KDM4C: variants seen among roughly 807,000 people sequenced by gnomAD.
KDM4C encodes lysine demethylase 4C.
KDM4C carries 81 observed loss-of-function variants against 129.3 expected under a neutral mutation model. That is an observed-to-expected ratio of 0.63 (90% CI 0.52 to 0.75). The LOEUF (loss-of-function observed/expected upper bound fraction) is 0.75. Among genes scored for constraint, KDM4C ranks in the 30% least tolerant of loss-of-function variants. KDM4C has a pLI of 0.00. For missense variants in KDM4C, 1,457 were observed against 1,304.0 expected (o/e 1.12, Z -1.81); for synonymous variants, 573 against 456.1 (o/e 1.26, Z -3.26).
chr9:7,108,001 TC>T (rs1837890310), intron 18 of KDM4C, among the ~76,000 whole-genome samples: 1 of 152,182 alleles, frequency 6.6e-6, no homozygotes. Flanking sequence ...TTATTGAGCA[TC>T]TTTTATGTCA....
intron 19 of KDM4C, among the ~76,000 whole-genome samples, chr9:7,143,087 T>C (rs553513139): frequency 1.3e-5 from 2 of 152,312 alleles, no homozygotes; most frequent in African/African-American, 4.8e-5. Flanking sequence ...CCTCCCAGCT[T>C]ACTCTATAAA....
At chr9:6,916,703 G>A (rs1367066643) in intron 8 of KDM4C, among the ~76,000 whole-genome samples, 1 of 152,176 alleles carries the variant, frequency 6.6e-6, no homozygotes, top group African/African-American at 2.4e-5. Flanking sequence ...AACTTACAAA[G>A]AGATTTTAGC....
intron 18 of KDM4C, among the ~76,000 whole-genome samples, chr9:7,120,887 C>G (rs1378217962): frequency 3.3e-5 from 5 of 152,082 alleles, no homozygotes; most frequent in Non-Finnish European, 7.4e-5. Context: ...ATAGTTCTGA[C>G]TATACATGGG....
chr9:6,925,705 T>G, intron 8 of KDM4C: 1 of 909,344 alleles, frequency 1.1e-6, no homozygotes, highest in African/African-American at 1.8e-5. Context: ...CTGTTTTTCT[T>G]TCTTTTTTTC....
intron 8 of KDM4C, among the ~76,000 whole-genome samples, chr9:6,966,124 A>T (rs1369355238): frequency 6.6e-6 from 1 of 152,184 alleles, no homozygotes; most frequent in Non-Finnish European, 1.5e-5. Flanking sequence ...TACCATACTA[A>T]ATGGTGAAAA....
At chr9:6,815,473 C>G (rs928583493) in intron 4 of KDM4C, among the ~76,000 whole-genome samples, 2 of 152,094 alleles carry the variant, frequency 1.3e-5, no homozygotes, top group African/African-American at 2.4e-5. Flanking sequence ...CCTCGGCCTC[C>G]TAAAGTGCTG....
chr9:6,814,214 T>C (rs945649170), intron 3 of KDM4C, among the ~76,000 whole-genome samples: 1 of 152,214 alleles, frequency 6.6e-6, no homozygotes, highest in Non-Finnish European at 1.5e-5. Flanking sequence ...AAATATCTTA[T>C]TTTAACTTTA....
intron 8 of KDM4C, among the ~76,000 whole-genome samples, chr9:6,924,361 C>T (rs569204539): frequency 5.3e-5 from 8 of 152,216 alleles, no homozygotes; most frequent in East Asian, 1.9e-4. Flanking sequence ...CTGTATGGGC[C>T]GCCACCACAG....
At chr9:6,774,329 A>G (rs982058720) in intron 1 of KDM4C, among the ~76,000 whole-genome samples, 1 of 152,162 alleles carries the variant, frequency 6.6e-6, no homozygotes, top group Non-Finnish European at 1.5e-5. Flanking sequence ...TCAAATTTAA[A>G]AACTCAAGAG....
chr9:7,022,432 T>G (rs10975983), intron 15 of KDM4C, among the ~76,000 whole-genome samples: 12,624 of 152,148 alleles, frequency 0.083, 639 homozygotes, highest in East Asian at 0.18. Context: ...TGGGATTACT[T>G]TCTTGATTTC....
Position 6,880,078 on chromosome 9 carries a change from A to G in KDM4C, c.679+17A>G, listed in dbSNP as rs1844201763. ...TAGCTCAAGGTAAAACTTGCTTTTTAAATTTGTTTTCTGTGTTTTATATGT... is the reference window on the plus strand; with the variant it reads ...TAGCTCAAGGTAAAACTTGCTTTTTGAATTTGTTTTCTGTGTTTTATATGT... On this transcript the variant is annotated intron_variant, in intron 6 of 21. Coordinates refer to ENST00000381309, the MANE Select transcript of KDM4C (RefSeq NM_015061.6). 1.3e-6 allele frequency: 2 copies of G among 1,571,036 alleles called. No homozygotes were observed. The highest frequency in any genetic ancestry group is 1.7e-5 in the Admixed American group (1 of 58,034).
intron 12 of KDM4C, among the ~76,000 whole-genome samples, chr9:6,993,687 C>G (rs1819168412): frequency 6.6e-6 from 1 of 152,196 alleles, no homozygotes. Context: ...AATGCTCTGT[C>G]TCTGGCCATG....
chr9:6,796,328 C>T (rs1187061538), intron 2 of KDM4C, among the ~76,000 whole-genome samples: 1 of 152,118 alleles, frequency 6.6e-6, no homozygotes, highest in African/African-American at 2.4e-5. Flanking sequence ...GCCTGTAGTC[C>T]CAGCTAATCG....
chr9:6,824,830 A>G (rs1386125456), intron 4 of KDM4C, among the ~76,000 whole-genome samples: 1 of 152,108 alleles, frequency 6.6e-6, no homozygotes, highest in African/African-American at 2.4e-5. Flanking sequence ...ACATTTTTCA[A>G]ATCTCTTATG....
chr9:6,726,126 G>A (rs868743631), intron 1 of KDM4C, among the ~76,000 whole-genome samples: 27 of 151,768 alleles, frequency 1.8e-4, no homozygotes, highest in Middle Eastern at 3.4e-3. Flanking sequence ...ATGGGGTTTC[G>A]CCGTCGCGGC....
chr9:7,172,695 G>A (rs1468411298), intron 21 of KDM4C, among the ~76,000 whole-genome samples: 2 of 152,314 alleles, frequency 1.3e-5, no homozygotes, highest in South Asian at 4.1e-4. Context: ...CTGGAAACAT[G>A]AACAGCTTTA....
intron 1 of KDM4C, among the ~76,000 whole-genome samples, chr9:6,761,724 C>G (rs1287896871): frequency 6.6e-6 from 1 of 152,180 alleles, no homozygotes; most frequent in Non-Finnish European, 1.5e-5. Context: ...ACATTCTGTA[C>G]TTTGATTAAG....
intron 4 of KDM4C, among the ~76,000 whole-genome samples, chr9:6,837,205 G>C (rs1335260204): frequency 6.6e-6 from 1 of 152,036 alleles, no homozygotes; most frequent in Non-Finnish European, 1.5e-5. Flanking sequence ...CCACAAGCTT[G>C]CACCATCATA....
At chr9:6,858,515 T>C (rs1840311790) in intron 5 of KDM4C, among the ~76,000 whole-genome samples, 1 of 152,192 alleles carries the variant, frequency 6.6e-6, no homozygotes, top group African/African-American at 2.4e-5. Flanking sequence ...ATTACTGTGT[T>C]AGGGCTGGGC....
Sources: gnomAD v4.1 joint callset for allele counts (sites outside exome capture counted in the v4.1 genomes callset) on GRCh38, gnomAD v4.1.1 for gene constraint, MANE v1.5 for transcripts, NCBI Gene and HGNC (gene_info 2026-07-23, HGNC 2026-07-21) for gene names.